RUBCNL: variants seen among roughly 807,000 people sequenced by gnomAD.
RUBCNL encodes rubicon like autophagy enhancer, also known as protein associated with UVRAG as autophagy enhancer.
Under a neutral mutation model 69.5 loss-of-function variants are expected in RUBCNL, and 62 were observed. The ratio of observed to expected loss-of-function variants is 0.89; its 90% confidence interval spans 0.73 to 1.10. The LOEUF is 1.10. Ranked by LOEUF, RUBCNL falls within the 50% of genes least tolerant of loss-of-function variation. The probability of loss-of-function intolerance (pLI) is 0.00; values close to 1 mark genes in which losing one functional copy is unlikely to be tolerated. For missense variants in RUBCNL, 768 were observed against 798.1 expected (o/e 0.96, Z 0.45); for synonymous variants, 291 against 303.6 (o/e 0.96, Z 0.43).
At chr13:46,367,975 G>C (rs1348718712) in intron 5 of RUBCNL, 67 bp downstream of exon 5, 3 of 1,437,234 alleles carry the variant, frequency 2.1e-6, no homozygotes, top group East Asian at 2.3e-5. Context: ...CGTGGATAAG[G>C]GGTAATTATA....
At chr13:46,386,152 C>T (rs1184560844) in intron 1 of RUBCNL, among the ~76,000 whole-genome samples, 7 of 152,112 alleles carry the variant, frequency 4.6e-5, no homozygotes, top group Non-Finnish European at 8.8e-5. Flanking sequence ...CTTCAAAACA[C>T]TTCCCTCCCT....
At chr13:46,363,264 CTG>C in intron 5 of RUBCNL, 51 bp from the exon 6 acceptor site, 1 of 956,896 alleles carries the variant, frequency 1.0e-6, no homozygotes, top group Non-Finnish European at 1.5e-6. Context: ...AAAAGAAAAA[CTG>C]TACAACCTGC....
intron 2 of RUBCNL, among the ~76,000 whole-genome samples, chr13:46,376,090 C>T (rs2048987024): frequency 6.6e-6 from 1 of 152,134 alleles, no homozygotes; most frequent in South Asian, 2.1e-4. Context: ...TAGTATTATA[C>T]ACTAACATAC....
At chr13:46,374,468 C>T (rs1360562749) in intron 2 of RUBCNL, 1 of 152,228 alleles carries the variant, frequency 6.6e-6, no homozygotes, top group East Asian at 1.9e-4. Context: ...GAGCAAGCTC[C>T]TAGTCCATGT....
intron 2 of RUBCNL, among the ~76,000 whole-genome samples, chr13:46,375,834 T>C (rs1481402921): frequency 6.6e-6 from 1 of 152,208 alleles, no homozygotes. Flanking sequence ...CAGTTGACCC[T>C]TGAACAACAT....
chr13:46,387,898 A>G, upstream of RUBCNL: 8 of 969,648 alleles, frequency 8.3e-6, 1 homozygote, highest in South Asian at 2.9e-4. Context: ...CAATACAGAA[A>G]GTTGTCACGA....
intron 2 of RUBCNL, 62 bp downstream of exon 2, chr13:46,377,828 A>C (rs2138830852): frequency 1.1e-6 from 1 of 940,552 alleles, no homozygotes; most frequent in African/African-American, 1.6e-5. Flanking sequence ...ATTCACAACC[A>C]TGTCTAAGGT....
In RUBCNL at chr13:46,356,476, G is replaced by A. The variant is rs746608338; in HGVS notation, c.1286C>T (p.Ala429Val). The A allele has an allele frequency of 6.2e-7, 1 of 1,613,852 alleles. No homozygotes were observed. The highest frequency in any genetic ancestry group is 1.1e-5 in the South Asian group (1 of 91,060). ...ACAGCCGGCACAGAAAAAATTCTGG[G>A]CTGCCACCACAAGGTCCCTCCTGAA... Reference protein sequence around the residue: ...PPLKRDLVVAAQNFFCAGCGT... With the variant: ...PPLKRDLVVAVQNFFCAGCGT... Residue 429 changes from alanine (A) to valine (V), a missense_variant, in exon 10 of 15, where the codon GCC (alanine) becomes GTC (valine). By Grantham distance (64) the Ala-to-Val change is moderately conservative. Coordinates refer to ENST00000429979, the MANE Select transcript of RUBCNL (RefSeq NM_025113.5).
chr13:46,350,013 C>A, intron 11 of RUBCNL, 100 bp downstream of exon 11: 1 of 883,154 alleles, frequency 1.1e-6, no homozygotes, highest in East Asian at 2.7e-5. Context: ...CCATTTGCCT[C>A]TTAGAGGATG....
At chr13:46,387,521 C>A, upstream of RUBCNL, 1 of 985,672 alleles carries the variant, frequency 1.0e-6, no homozygotes, top group Non-Finnish European at 1.2e-6. Context: ...ACCCGCGGCG[C>A]GAGACGCAAC....
At position 46,372,084 on chromosome 13, in the gene RUBCNL, G is replaced by C. The variant is rs749446778; in HGVS notation, c.392C>G (p.Ser131Ter). ...SEKSSSFSLS[S>*]TEVHMVRPGY... is the part of the protein sequence containing the mutation. The stretch of plus-strand genomic sequence containing the variant: ...TGGGCGGACCATGTGTACCTCTGTT[G>C]AGGACAGAGAGAAGCTGCTACTCTT... The change falls in exon 3 of 15, where the codon TCA (serine) becomes TGA (stop). Residue 131 changes from serine (S) to a stop codon, truncating the protein, a stop_gained. Transcript: ENST00000429979. LOFTEE classifies it high-confidence loss of function. 2 of 1,613,900 alleles carry C rather than the reference G, an allele frequency of 1.2e-6. No homozygotes were observed. The highest frequency in any genetic ancestry group is 1.1e-5 in the South Asian group (1 of 91,088).
chr13:46,350,033 G>T, intron 11 of RUBCNL, 80 bp downstream of exon 11: 1 of 1,082,538 alleles, frequency 9.2e-7, no homozygotes, highest in Non-Finnish European at 1.3e-6. Context: ...GTATCTGTGG[G>T]TTCCCCAAGC....
At chr13:46,387,997 A>C (rs529630438), upstream of RUBCNL, 151 of 234,196 alleles carry the variant, frequency 6.4e-4, no homozygotes, top group Non-Finnish European at 9.3e-4. Context: ...GGATCACTTG[A>C]GGTTAGGAGT....
intron 6 of RUBCNL, 24 bp downstream of exon 6, chr13:46,363,091 A>G: frequency 6.7e-7 from 1 of 1,498,444 alleles, no homozygotes; most frequent in Non-Finnish European, 9.2e-7. Context: ...AGCCAGTCAC[A>G]TCCAAACAGT....
intron 9 of RUBCNL, among the ~76,000 whole-genome samples, chr13:46,358,109 C>A (rs1295277921): frequency 1.3e-5 from 2 of 152,166 alleles, no homozygotes; most frequent in African/African-American, 4.8e-5. Context: ...AGAAAAGATA[C>A]CCCAGGCTAA....
At chr13:46,383,593 C>A (rs756370369) in intron 1 of RUBCNL, among the ~76,000 whole-genome samples, 1 of 152,178 alleles carries the variant, frequency 6.6e-6, no homozygotes, top group Non-Finnish European at 1.5e-5. Flanking sequence ...TTATTAGCAA[C>A]CTAGCCCAGC....
intron 10 of RUBCNL, among the ~76,000 whole-genome samples, chr13:46,352,490 T>C (rs17068056): frequency 0.13 from 19,528 of 152,166 alleles, 2,686 homozygotes; most frequent in East Asian, 0.43. Context: ...GAAGATCATT[T>C]CCAAATAATG....
Position 46,337,372 on chromosome 13 carries a change from C to T in RUBCNL, c.*6013G>A, listed in dbSNP as rs1459506259. Among the ~76,000 whole-genome samples, 2 of 152,108 alleles carry T rather than the reference C, an allele frequency of 1.3e-5. No homozygotes were observed. Among genetic ancestry groups the T allele is most frequent in the African/African-American group, 4.8e-5 (2 of 41,408 alleles). ...CAGGATGGTCTCAATCTCCTGACCT[C>T]GTGATATGCCTGTCTCAGCCTGAGG... On this transcript the variant is annotated 3_prime_UTR_variant, in exon 15 of 15. Coordinates refer to ENST00000429979, the MANE Select transcript of RUBCNL (RefSeq NM_025113.5).
At position 46,336,186 on chromosome 13, in the gene RUBCNL, G is replaced by A. The variant is rs2048104236; in HGVS notation, c.*7199C>T. Among the ~76,000 whole-genome samples, 1 of 152,110 alleles carries A rather than the reference G, an allele frequency of 6.6e-6. No homozygotes were observed. The highest frequency in any genetic ancestry group is 1.5e-5 in the Non-Finnish European group (1 of 68,014). On this transcript the variant is annotated 3_prime_UTR_variant, in exon 15 of 15. Transcript: ENST00000429979. ...CTGACAGCCGGCCCTGTTCTTTTTG[G>A]TTCACGTGGTCTTTAGTAATTTACT...
Sources: gnomAD v4.1 joint callset for allele counts (sites outside exome capture counted in the v4.1 genomes callset) on GRCh38, gnomAD v4.1.1 for gene constraint, MANE v1.5 for transcripts, NCBI Gene and HGNC (gene_info 2026-07-23, HGNC 2026-07-21) for gene names.